Variants in CDH2 observed in about 807,000 individuals in gnomAD.
CDH2 encodes the protein cadherin-2.
CDH2 carries 17 observed loss-of-function variants against 92.0 expected under a neutral mutation model. That is an observed-to-expected ratio of 0.18 (90% CI 0.13 to 0.28). The LOEUF is 0.28. CDH2 is among the 10% of genes least tolerant of loss of function. The pLI is 1.00. For missense variants in CDH2, 862 were observed against 1,133.1 expected (o/e 0.76, Z 3.44); for synonymous variants, 419 against 415.9 (o/e 1.01, Z -0.09).
At chr18:28,104,853 T>C (rs1459671358) in intron 2 of CDH2, among the ~76,000 whole-genome samples, 1 of 151,992 alleles carries the variant, frequency 6.6e-6, no homozygotes, top group Non-Finnish European at 1.5e-5. Context: ...ATTATGTGAA[T>C]GAAGATGATT....
At chr18:28,108,567 T>C (rs2015359736) in intron 2 of CDH2, among the ~76,000 whole-genome samples, 1 of 152,098 alleles carries the variant, frequency 6.6e-6, no homozygotes, top group Non-Finnish European at 1.5e-5. Context: ...ACAGAACCCA[T>C]CCAATTTATG....
intron 2 of CDH2, among the ~76,000 whole-genome samples, chr18:28,041,186 T>TAAATTTAG (rs1841137898): frequency 6.6e-6 from 1 of 152,222 alleles, no homozygotes; most frequent in South Asian, 2.1e-4. Flanking sequence ...CACTAGATTA[T>TAAATTTAG]AAATTTAGAA....
At chr18:27,987,856 T>C (rs1170556652) in intron 11 of CDH2, among the ~76,000 whole-genome samples, 1 of 152,162 alleles carries the variant, frequency 6.6e-6, no homozygotes, top group Admixed American at 6.6e-5. Flanking sequence ...AGTCTGCACC[T>C]GGGGGTCCTG....
chr18:27,990,015 C>T, intron 10 of CDH2, 82 bp downstream of exon 10: 1 of 1,220,446 alleles, frequency 8.2e-7, no homozygotes, highest in South Asian at 1.6e-5. Flanking sequence ...AAAATTTCTA[C>T]TCAAATAGTG....
chr18:28,034,933 C>T (rs1239105820), intron 2 of CDH2, among the ~76,000 whole-genome samples: 1 of 151,970 alleles, frequency 6.6e-6, no homozygotes, highest in Non-Finnish European at 1.5e-5. Flanking sequence ...GAGCACAATT[C>T]TTTAAAATAG....
intron 14 of CDH2, among the ~76,000 whole-genome samples, chr18:27,969,949 A>T (rs1236220568): frequency 6.6e-6 from 1 of 152,206 alleles, no homozygotes; most frequent in Non-Finnish European, 1.5e-5. Flanking sequence ...GCAGTGAGCC[A>T]AGATCGTGCC....
chr18:28,171,984 A>G (rs931381228), intron 1 of CDH2, among the ~76,000 whole-genome samples: 1 of 152,138 alleles, frequency 6.6e-6, no homozygotes, highest in African/African-American at 2.4e-5. Flanking sequence ...ACATAAAGTA[A>G]TCAATCAATT....
chr18:28,076,899 CAA>C (rs150581177), intron 2 of CDH2, among the ~76,000 whole-genome samples: 1,958 of 152,088 alleles, frequency 0.013, 52 homozygotes, highest in African/African-American at 0.045. Flanking sequence ...GATGGAAAAG[CAA>C]AAGAGTATGA....
At chr18:28,038,249 T>C (rs1408809779) in intron 2 of CDH2, among the ~76,000 whole-genome samples, 1 of 151,868 alleles carries the variant, frequency 6.6e-6, no homozygotes, top group African/African-American at 2.4e-5. Context: ...ATGGCAAAAC[T>C]CCGTATCTAC....
intron 15 of CDH2, among the ~76,000 whole-genome samples, chr18:27,962,776 C>T (rs1258353538): frequency 6.6e-6 from 1 of 152,182 alleles, no homozygotes; most frequent in Non-Finnish European, 1.5e-5. Flanking sequence ...ATAATTTTGA[C>T]AGTGAAAATC....
Position 28,147,704 on chromosome 18 carries a change from C to T in CDH2, c.141G>A (p.Lys47=), listed in dbSNP as rs145211596. 268 of 1,611,232 alleles carry T rather than the reference C, an allele frequency of 1.7e-4. No homozygotes were observed. The African/African-American group carries it at 3.0e-3, about 18-fold the overall frequency. The change falls in exon 2 of 16, where the codon AAG becomes AAA. Residue 47 remains lysine, a synonymous_variant. Coordinates refer to ENST00000269141, the MANE Select transcript of CDH2 (RefSeq NM_001792.5). The part of the protein sequence containing the change: ...PEDVYSAVLS[K]DVHEGQPLLN... The stretch of plus-strand genomic sequence containing the variant: ...GAAGAGGCTGTCCTTCATGCACATC[C>T]TTCGATAAGACTGCACTGTAAACAT...
chr18:28,027,882 T>C (rs2144075611), intron 2 of CDH2, among the ~76,000 whole-genome samples: 1 of 151,886 alleles, frequency 6.6e-6, no homozygotes, highest in East Asian at 1.9e-4. Context: ...ATTAACAAAT[T>C]ACACTGAAAT....
chr18:28,086,991 C>T (rs143371669), intron 2 of CDH2, among the ~76,000 whole-genome samples: 1 of 152,284 alleles, frequency 6.6e-6, no homozygotes, highest in Non-Finnish European at 1.5e-5. Flanking sequence ...AGGTTATCCA[C>T]ATTGTGAAAT....
chr18:27,978,983 C>T (rs1187768280), intron 14 of CDH2, among the ~76,000 whole-genome samples: 1 of 151,216 alleles, frequency 6.6e-6, no homozygotes, highest in Non-Finnish European at 1.5e-5. Context: ...AACATGAGCA[C>T]TAACCATAAT....
At chr18:28,096,220 C>T (rs1391581896) in intron 2 of CDH2, among the ~76,000 whole-genome samples, 1 of 152,032 alleles carries the variant, frequency 6.6e-6, no homozygotes, top group East Asian at 1.9e-4. Flanking sequence ...AATGGAATGA[C>T]CTTTACTGTG....
At chr18:28,075,512 G>A (rs75514793) in intron 2 of CDH2, among the ~76,000 whole-genome samples, 2,250 of 152,266 alleles carry the variant, frequency 0.015, 50 homozygotes, top group African/African-American at 0.052. Context: ...ACATGTTGCT[G>A]GGCAATGGGC....
intron 2 of CDH2, among the ~76,000 whole-genome samples, chr18:28,080,408 C>T (rs1328823769): frequency 6.6e-6 from 1 of 152,148 alleles, no homozygotes; most frequent in Non-Finnish European, 1.5e-5. Flanking sequence ...GTTTACAGTT[C>T]CAATGGGTTT....
chr18:27,953,227 T>C (rs1330381366), intron 15 of CDH2, among the ~76,000 whole-genome samples: 1 of 152,278 alleles, frequency 6.6e-6, no homozygotes, highest in Admixed American at 6.6e-5. Flanking sequence ...CTGGTTCTTA[T>C]AAAGAATTTT....
At chr18:27,946,212 C>A (rs1909264691), downstream of CDH2, among the ~76,000 whole-genome samples, 1 of 151,920 alleles carries the variant, frequency 6.6e-6, no homozygotes, top group Non-Finnish European at 1.5e-5. Flanking sequence ...ATCTGAAAAA[C>A]AAATTAATAG....
Sources: allele counts gnomAD v4.1 joint callset (sites outside exome capture counted in the v4.1 genomes callset), GRCh38; gene constraint gnomAD v4.1.1; transcripts MANE v1.5; gene names NCBI Gene and HGNC (gene_info 2026-07-23, HGNC 2026-07-21).